Variants in CHSY1 observed in about 807,000 individuals in gnomAD.
CHSY1 encodes chondroitin sulfate synthase 1.
Under a neutral mutation model 59.8 loss-of-function variants are expected in CHSY1, and 13 were observed. That is an observed-to-expected ratio of 0.22 (90% CI 0.14 to 0.35). CHSY1 has a LOEUF of 0.35. Ranked by LOEUF, CHSY1 falls within the 10% of genes least tolerant of loss-of-function variation. The probability of loss-of-function intolerance (pLI) is 1.00; values close to 1 mark genes in which losing one functional copy is unlikely to be tolerated. For synonymous variants in CHSY1, 459 were observed against 401.2 expected, an observed-to-expected ratio of 1.14 and a Z score of -1.72; for missense variants, 947 against 1,030.6, an observed-to-expected ratio of 0.92 and a Z score of 1.11.
rs145234148 is a variant in CHSY1, at chr15:101,223,556, G to A, written c.816+11526C>T. On this transcript the variant is annotated intron_variant, in intron 2 of 2. Transcript: ENST00000254190. ...ACTTCCACACTGGGACTCAGGCCTC[G>A]TCTACTACAGAGGACTTCCACACTG... Among the ~76,000 whole-genome samples the A allele has an allele frequency of 1.8e-3, 278 of 150,676 alleles. 2 individuals carry two copies. The East Asian group carries it at 0.044, about 24-fold the overall frequency.
At chr15:101,240,980 T>C (rs2038995499) in intron 1 of CHSY1, among the ~76,000 whole-genome samples, 2 of 152,226 alleles carry the variant, frequency 1.3e-5, no homozygotes, top group African/African-American at 2.4e-5. Context: ...ATACTTGTGA[T>C]GTGGCTTACC....
At chr15:101,227,591 C>T (rs1473178709) in intron 2 of CHSY1, among the ~76,000 whole-genome samples, 2 of 152,154 alleles carry the variant, frequency 1.3e-5, no homozygotes, top group African/African-American at 4.8e-5. Flanking sequence ...TCTACAAGGC[C>T]ACACGCATGT....
At chr15:101,194,818 T>C (rs1177574528) in intron 2 of CHSY1, among the ~76,000 whole-genome samples, 2 of 152,160 alleles carry the variant, frequency 1.3e-5, no homozygotes, top group Non-Finnish European at 2.9e-5. Flanking sequence ...GGGAGAGCTG[T>C]GAAGGGTGGG....
intron 2 of CHSY1, among the ~76,000 whole-genome samples, chr15:101,200,074 T>C (rs2038556313): frequency 6.6e-6 from 1 of 152,188 alleles, no homozygotes; most frequent in South Asian, 2.1e-4. Context: ...CTGTGGCAGT[T>C]ATCCAATATT....
At chr15:101,241,486 T>C (rs1232936632) in intron 1 of CHSY1, among the ~76,000 whole-genome samples, 2 of 152,258 alleles carry the variant, frequency 1.3e-5, no homozygotes, top group African/African-American at 4.8e-5. Flanking sequence ...GCTTTGAGGC[T>C]AACAAGCAAC....
At chr15:101,191,793 C>G (rs968883570) in intron 2 of CHSY1, among the ~76,000 whole-genome samples, 2 of 151,992 alleles carry the variant, frequency 1.3e-5, no homozygotes, top group African/African-American at 4.8e-5. Flanking sequence ...CTCAAATTAT[C>G]TATGTTAAGT....
chr15:101,182,273 A>G (rs888048683), intron 2 of CHSY1, among the ~76,000 whole-genome samples: 2 of 152,198 alleles, frequency 1.3e-5, no homozygotes, highest in South Asian at 4.1e-4. Flanking sequence ...GAAAAATATA[A>G]GAACTGCAAG....
intron 2 of CHSY1, among the ~76,000 whole-genome samples, chr15:101,227,310 T>C (rs1453706948): frequency 1.3e-5 from 2 of 152,162 alleles, no homozygotes; most frequent in Non-Finnish European, 2.9e-5. Context: ...GGTGGTTCCC[T>C]GGAAGACCTT....
rs183608813 is a variant in CHSY1 at position 101,196,584 on chromosome 15, G to A, written c.817-17604C>T. On this transcript the variant is annotated intron_variant, in intron 2 of 2. Coordinates refer to ENST00000254190, the MANE Select transcript of CHSY1 (RefSeq NM_014918.5). ...ACAGCACTGTAATGCCACCAAGCGG[G>A]ATTACACCCCGAGATCCATGACTAG... 1.6e-3 allele frequency among the ~76,000 whole-genome samples: 236 copies of A among 152,216 alleles called. 1 individual carries two copies. The highest frequency in any genetic ancestry group is 2.9e-3 in the South Asian group (14 of 4,814).
At chr15:101,207,554 T>C (rs962023453) in intron 2 of CHSY1, among the ~76,000 whole-genome samples, 1 of 152,156 alleles carries the variant, frequency 6.6e-6, no homozygotes, top group South Asian at 2.1e-4. Flanking sequence ...AAGTGCCTCA[T>C]ATGTTAACCT....
At chr15:101,210,427 A>T (rs2038672084) in intron 2 of CHSY1, among the ~76,000 whole-genome samples, 1 of 152,230 alleles carries the variant, frequency 6.6e-6, no homozygotes. Context: ...GAGACACTAG[A>T]TGGATACTGG....
intron 2 of CHSY1, among the ~76,000 whole-genome samples, chr15:101,195,028 C>T (rs1025171330): frequency 2.6e-5 from 4 of 152,124 alleles, no homozygotes; most frequent in African/African-American, 4.8e-5. Context: ...TTCATAAGCT[C>T]GCCCATAACC....
At chr15:101,237,685 G>C (rs974560645) in intron 1 of CHSY1, among the ~76,000 whole-genome samples, 1 of 152,234 alleles carries the variant, frequency 6.6e-6, no homozygotes, top group Non-Finnish European at 1.5e-5. Context: ...TGCTTCTGCT[G>C]AGCAGCTAAT....
intron 1 of CHSY1, among the ~76,000 whole-genome samples, chr15:101,249,697 T>TA (rs903379404): frequency 6.6e-6 from 1 of 151,940 alleles, no homozygotes. Flanking sequence ...TACTCTTGAG[T>TA]AGAGACGGGG....
At chr15:101,193,873 C>T (rs572611287) in intron 2 of CHSY1, among the ~76,000 whole-genome samples, 4 of 152,298 alleles carry the variant, frequency 2.6e-5, no homozygotes, top group South Asian at 2.1e-4. Flanking sequence ...CCATGGAGAC[C>T]ACTCTGACAT....
intron 2 of CHSY1, among the ~76,000 whole-genome samples, chr15:101,204,503 G>A (rs1316384829): frequency 6.6e-6 from 1 of 151,466 alleles, no homozygotes; most frequent in Admixed American, 6.6e-5. Context: ...TAAAGCTGAT[G>A]TGGTAAATAT....
At chr15:101,203,002 CAT>C (rs1167536546) in intron 2 of CHSY1, among the ~76,000 whole-genome samples, 2 of 152,152 alleles carry the variant, frequency 1.3e-5, no homozygotes, top group Admixed American at 1.3e-4. Flanking sequence ...CAGAGAAAAA[CAT>C]TACTAGTGCT....
intron 2 of CHSY1, among the ~76,000 whole-genome samples, chr15:101,191,105 A>C (rs2038438600): frequency 6.6e-6 from 1 of 152,272 alleles, no homozygotes; most frequent in Admixed American, 6.5e-5. Context: ...TGTCCACACA[A>C]AAATCTGCAT....
chr15:101,245,915 A>T (rs1056230678), intron 1 of CHSY1, among the ~76,000 whole-genome samples: 5 of 152,366 alleles, frequency 3.3e-5, no homozygotes, highest in Admixed American at 2.6e-4. Flanking sequence ...CTATCTAAGA[A>T]AGTGAGGACT....
Sources: gnomAD v4.1 joint callset for allele counts (sites outside exome capture counted in the v4.1 genomes callset) on GRCh38, gnomAD v4.1.1 for gene constraint, MANE v1.5 for transcripts, NCBI Gene and HGNC (gene_info 2026-07-23, HGNC 2026-07-21) for gene names.